Variants in NECTIN1 observed in about 807,000 individuals in gnomAD.
NECTIN1 encodes the protein nectin-1.
In NECTIN1, 23 loss-of-function variants were observed where a neutral mutation model predicts 48.0. The ratio of observed to expected loss-of-function variants is 0.48; its 90% CI spans 0.34 to 0.68. The LOEUF (loss-of-function observed/expected upper bound fraction) is 0.68, where lower values mean the gene tolerates loss of function less well. Ranked by LOEUF, NECTIN1 falls within the 30% of genes least tolerant of loss-of-function variation. NECTIN1 has a pLI of 0.01. For missense variants in NECTIN1, 591 were observed against 709.9 expected (o/e 0.83, Z 1.90); for synonymous variants, 270 against 288.9 (o/e 0.93, Z 0.66).
In NECTIN1 at chr11:119,661,541, C is replaced by G. The variant is rs1864665275; in HGVS notation, c.*3206G>C. 1.0e-6 allele frequency: 1 copy of G among 985,762 alleles called. No homozygotes were observed. Among genetic ancestry groups the G allele is most frequent in the African/African-American group, 1.7e-5 (1 of 57,230 alleles). 61.1% of individuals were successfully genotyped at this position (985,762 alleles called of 1,614,324 possible). On this transcript the variant is annotated 3_prime_UTR_variant, in exon 6 of 6. Transcript: ENST00000264025. ...CCTGAGGCCTGGGAGCACTACCCTCCTCCCAGAAGAGGGGACATCCGTGTC... is the reference window on the plus strand; with the variant it reads ...CCTGAGGCCTGGGAGCACTACCCTCGTCCCAGAAGAGGGGACATCCGTGTC...
intron 1 of NECTIN1, among the ~76,000 whole-genome samples, chr11:119,725,856 C>T (rs1031089830): frequency 6.6e-6 from 1 of 152,114 alleles, no homozygotes; most frequent in African/African-American, 2.4e-5. Context: ...CAGCTCGACA[C>T]ACCTGCTTCT....
At chr11:119,649,751 T>C (rs1034912025) in intron 5 of NECTIN1, among the ~76,000 whole-genome samples, 6 of 152,178 alleles carry the variant, frequency 3.9e-5, no homozygotes, top group African/African-American at 1.4e-4. Flanking sequence ...AACACGGGAA[T>C]GGCAGAGTTT....
rs151334553 is a variant in NECTIN1, at chr11:119,653,187, C to T, written c.1004-13175G>A. 4.6e-5 allele frequency among the ~76,000 whole-genome samples: 7 copies of T among 152,278 alleles called. No individual in the cohort carries two copies. The East Asian group carries it at 1.3e-3, about 29-fold the overall frequency. ...GAACTGAAGCCCTAAGATCTACGCA[C>T]TTCACAGTTGTTACCGTATTCCTCA... is the stretch of plus-strand genomic sequence containing the variant. On this transcript the variant is annotated intron_variant, in intron 5 of 7. Coordinates refer to the NECTIN1 transcript ENST00000341398.
At chr11:119,644,222 T>C (rs190252059) in intron 5 of NECTIN1, among the ~76,000 whole-genome samples, 101 of 152,228 alleles carry the variant, frequency 6.6e-4, no homozygotes, top group African/African-American at 2.3e-3. Flanking sequence ...GTGAAATCCA[T>C]GGTTAGGGGG....
chr11:119,726,535 T>A (rs1865909029), intron 1 of NECTIN1, among the ~76,000 whole-genome samples: 1 of 152,150 alleles, frequency 6.6e-6, no homozygotes, highest in Admixed American at 6.5e-5. Context: ...CCCTTTCATG[T>A]AGATTTTTGG....
chr11:119,649,018 G>T (rs984800230), intron 5 of NECTIN1, among the ~76,000 whole-genome samples: 2 of 152,226 alleles, frequency 1.3e-5, no homozygotes, highest in African/African-American at 4.8e-5. Context: ...GAGTCAGAAA[G>T]ATGTGAGTTC....
downstream of NECTIN1, among the ~76,000 whole-genome samples, chr11:119,660,400 T>TG (rs547588447): frequency 0.01 from 1,091 of 108,796 alleles, 10 homozygotes; most frequent in African/African-American, 0.035. Flanking sequence ...TGGAGAAAAA[T>TG]GGGGGGGTAC....
chr11:119,649,283 A>C (rs1347396282), intron 5 of NECTIN1, among the ~76,000 whole-genome samples: 4 of 151,950 alleles, frequency 2.6e-5, no homozygotes, highest in African/African-American at 9.7e-5. Context: ...TGGGATGCTG[A>C]GGCGGGAAAA....
At chr11:119,722,232 C>A (rs1334363268) in intron 1 of NECTIN1, among the ~76,000 whole-genome samples, 1 of 152,252 alleles carries the variant, frequency 6.6e-6, no homozygotes, top group African/African-American at 2.4e-5. Context: ...TCACATGGGG[C>A]TCCTGAGAGG....
At position 119,728,749 on chromosome 11, in the gene NECTIN1, G is replaced by A. The variant is rs1028189887; in HGVS notation, c.-196C>T. ...GCAGTCCGGGCCCCGGGCCGCCGCC[G>A]GCTCAGAGGCTCGGCAGATGCCCGC... On this transcript the variant is annotated 5_prime_UTR_variant, in exon 1 of 6. Transcript: ENST00000264025. The A allele has an allele frequency of 2.4e-5, 11 of 453,678 alleles. No homozygotes were observed. The highest frequency in any genetic ancestry group is 1.4e-4 in the African/African-American group (7 of 48,542). 28.1% of individuals were successfully genotyped at this position (453,678 alleles called of 1,614,324 possible).
chr11:119,698,961 A>C (rs1865388620), intron 1 of NECTIN1, among the ~76,000 whole-genome samples: 2 of 152,180 alleles, frequency 1.3e-5, no homozygotes, highest in African/African-American at 4.8e-5. Context: ...GCCCTGTGCC[A>C]GCCTGCAGAA....
intron 1 of NECTIN1, among the ~76,000 whole-genome samples, chr11:119,693,193 T>C (rs1865289578): frequency 6.6e-6 from 1 of 151,720 alleles, no homozygotes; most frequent in Admixed American, 6.6e-5. Context: ...TGACTTCCAG[T>C]CCAAACCCTG....
Position 119,678,346 on chromosome 11 carries a change from C to T in NECTIN1, c.430+69G>A. 7.0e-7 allele frequency: 1 copy of T among 1,420,880 alleles called. No individual in the cohort carries two copies. Among genetic ancestry groups the T allele is most frequent in the South Asian group, 1.2e-5 (1 of 86,942 alleles). 88.0% of individuals were successfully genotyped at this position (1,420,880 alleles called of 1,614,324 possible). A position where few individuals can be genotyped will look rare whatever the true frequency, so the allele number is the denominator to read the frequency against. ...GGGATGTCTGGGGTCATTGAGGCAT[C>T]CTGAGGATGGCCACGCCCCGAGGTC... On this transcript the variant is annotated intron_variant, in intron 2 of 5. Transcript: ENST00000264025. The surrounding 1 kb of genome is among the most constrained non-coding windows in gnomAD (Gnocchi z 4.4).
At chr11:119,691,996 C>T (rs143116938) in intron 1 of NECTIN1, among the ~76,000 whole-genome samples, 7 of 152,172 alleles carry the variant, frequency 4.6e-5, no homozygotes, top group Non-Finnish European at 7.3e-5. Context: ...GGGTGAGGGG[C>T]CTGAGAGGGA....
chr11:119,638,950 C>T (rs1397720643), intron 6 of NECTIN1: 78 of 723,882 alleles, frequency 1.1e-4, no homozygotes, highest in Admixed American at 1.0e-3. Context: ...TCCTGAGAGG[C>T]CAGAGCTTGG....
downstream of NECTIN1, among the ~76,000 whole-genome samples, chr11:119,656,595 G>T (rs963210549): frequency 6.6e-6 from 1 of 152,134 alleles, no homozygotes; most frequent in Admixed American, 6.5e-5. Context: ...TGGTGGGTGT[G>T]AGCAGGAGGT....
At chr11:119,653,732 C>T (rs781629114) in intron 5 of NECTIN1, among the ~76,000 whole-genome samples, 8 of 152,188 alleles carry the variant, frequency 5.3e-5, no homozygotes, top group Admixed American at 1.3e-4. Flanking sequence ...CCTAGTTCAA[C>T]GCAGCTGAGC....
chr11:119,648,262 ATAGTGG>A (rs1179067217), intron 5 of NECTIN1, among the ~76,000 whole-genome samples: 5 of 9,216 alleles, frequency 5.4e-4, no homozygotes, highest in Non-Finnish European at 1.0e-3. Context: ...AGAGGTGGTA[ATAGTGG>A]TGGTGGTGAT....
rs1373912432 is a variant in NECTIN1, at chr11:119,684,827, C to T, written c.80-6062G>A. ...TTTCACAGGTTTTGCCAATCAGTGT[C>T]ACCTAGACTCCGATCATTCTGTCAG... On this transcript the variant is annotated intron_variant, in intron 1 of 5. Coordinates refer to ENST00000264025, the MANE Select transcript of NECTIN1 (RefSeq NM_002855.5). The surrounding 1 kb of genome is among the most constrained non-coding windows in gnomAD (Gnocchi z 5.2). 6.6e-6 allele frequency among the ~76,000 whole-genome samples: 1 copy of T among 152,086 alleles called. No homozygotes were observed. Among genetic ancestry groups the T allele is most frequent in the Non-Finnish European group, 1.5e-5 (1 of 67,992 alleles).
Sources: allele counts gnomAD v4.1 joint callset (sites outside exome capture counted in the v4.1 genomes callset), GRCh38; gene constraint gnomAD v4.1.1; non-coding constraint Gnocchi (gnomAD v3.1); transcripts MANE v1.5; gene names NCBI Gene and HGNC (gene_info 2026-07-23, HGNC 2026-07-21).